The following ZNF223 variants were observed in gnomAD, a reference collection of about 807,000 sequenced individuals.
ZNF223 encodes Homo sapiens zinc finger protein 223.
A neutral mutation model predicts 12.3 loss-of-function variants in ZNF223; 9 were observed. The observed-to-expected ratio is 0.73, with a 90% CI of 0.44 to 1.28. The LOEUF (loss-of-function observed/expected upper bound fraction) is 1.28, where lower values mean the gene tolerates loss of function less well. Among genes scored for constraint, ZNF223 ranks in the 50% most tolerant of loss-of-function variants. ZNF223 has a pLI of 0.00. For missense variants in ZNF223, 506 were observed against 579.0 expected (o/e 0.87, Z 1.29); for synonymous variants, 171 against 195.2 (o/e 0.88, Z 1.03).
chr19:44,058,763 C>T (rs951342742), intron 2 of ZNF223, among the ~76,000 whole-genome samples: 6 of 152,318 alleles, frequency 3.9e-5, no homozygotes, highest in Admixed American at 2.0e-4. Flanking sequence ...CAGTATCTAT[C>T]GGCCATTGCC....
At chr19:44,065,987 A>G (rs1976904157) in intron 4 of ZNF223, 77 bp from the exon 5 acceptor site, 26 of 1,509,938 alleles carry the variant, frequency 1.7e-5, no homozygotes, top group Admixed American at 6.9e-5. Flanking sequence ...GTTTCATACC[A>G]TGTCCTAAGT....
intron 2 of ZNF223, among the ~76,000 whole-genome samples, chr19:44,057,182 T>C (rs1976780680): frequency 6.6e-6 from 1 of 152,186 alleles, no homozygotes; most frequent in Non-Finnish European, 1.5e-5. Flanking sequence ...TATAAACTGC[T>C]CTTGGCTATC....
rs1332967094 is a variant in ZNF223 at position 44,066,225 on chromosome 19, C to T, written c.397C>T (p.Gln133Ter). The T allele has an allele frequency of 6.2e-7, 1 of 1,614,196 alleles. No homozygotes were observed. The highest frequency in any genetic ancestry group is 1.3e-5 in the African/African-American group (1 of 75,060). The change falls in exon 5 of 5, where the codon CAG (glutamine) becomes TAG (stop). Residue 133 changes from glutamine to a stop codon, truncating the protein, a stop_gained. Transcript: ENST00000434772. LOFTEE classifies it low-confidence loss of function (END_TRUNC). ...QFFEQGDAHS[Q>*]VEEGLSIMHT... ...CTTTGAACAGGGTGATGCCCACTCC[C>T]AGGTTGAGGAAGGACTATCTATAAT...
intron 2 of ZNF223, among the ~76,000 whole-genome samples, chr19:44,059,013 G>T (rs1443423836): frequency 6.6e-6 from 1 of 152,098 alleles, no homozygotes; most frequent in Non-Finnish European, 1.5e-5. Flanking sequence ...CTGTATCTGG[G>T]TCACCCTCCA....
At chr19:44,061,006 C>G in intron 4 of ZNF223, 165 bp downstream of exon 4, 1 of 632,446 alleles carries the variant, frequency 1.6e-6, no homozygotes, top group Non-Finnish European at 2.8e-6. Flanking sequence ...ACTCTGACAT[C>G]TGTTCTCCTC....
rs761809711 is a variant in ZNF223 at position 44,067,095 on chromosome 19, T to C, written c.1267T>C (p.Cys423Arg). 9 of 1,613,244 alleles carry C rather than the reference T, an allele frequency of 5.6e-6. No homozygotes were observed. In the South Asian group the frequency reaches 8.8e-5, roughly 16 times the overall value. The stretch of plus-strand genomic sequence containing the variant: ...TATTTTGAATCATAAGAGACTCCAT[T>C]GCCGAAAAAAACCATTCAAATGTGA... Reference protein sequence around the residue: ...SSILNHKRLHCRKKPFKCEDC... With the variant: ...SSILNHKRLHRRKKPFKCEDC... Residue 423 changes from cysteine to arginine, a missense_variant, in exon 5 of 5, where the codon TGC becomes CGC. Transcript: ENST00000434772.
chr19:44,064,147 T>C (rs1976875844), intron 4 of ZNF223, among the ~76,000 whole-genome samples: 1 of 152,196 alleles, frequency 6.6e-6, no homozygotes, highest in African/African-American at 2.4e-5. Context: ...AACGACACCT[T>C]TCCTGCTTGT....
intron 2 of ZNF223, among the ~76,000 whole-genome samples, chr19:44,055,595 C>A (rs111948726): frequency 2.6e-5 from 4 of 151,696 alleles, no homozygotes; most frequent in Admixed American, 1.3e-4. Flanking sequence ...CATGGAGAAA[C>A]CCCATCTCTA....
At chr19:44,063,655 C>T (rs143738435) in intron 4 of ZNF223, 2 of 152,322 alleles carry the variant, frequency 1.3e-5, no homozygotes, top group East Asian at 3.9e-4. Context: ...GTGGCTGGGC[C>T]CCTCTCCAAA....
At chr19:44,057,197 G>A (rs922587898) in intron 2 of ZNF223, among the ~76,000 whole-genome samples, 1 of 152,144 alleles carries the variant, frequency 6.6e-6, no homozygotes, top group Non-Finnish European at 1.5e-5. Flanking sequence ...GCTATCATAA[G>A]GAGAATTAGG....
intron 1 of ZNF223, among the ~76,000 whole-genome samples, chr19:44,053,556 G>A (rs1485905150): frequency 2.0e-5 from 3 of 152,186 alleles, no homozygotes; most frequent in Admixed American, 6.5e-5. Context: ...TAGAATGTAC[G>A]ATTGGGTTTT....
chr19:44,053,256 C>T (rs563108894), intron 1 of ZNF223, among the ~76,000 whole-genome samples: 7 of 152,102 alleles, frequency 4.6e-5, no homozygotes, highest in Non-Finnish European at 8.8e-5. Context: ...GGACCTGTAC[C>T]GGCACTGGTC....
At chr19:44,058,209 G>A (rs572460389) in intron 2 of ZNF223, among the ~76,000 whole-genome samples, 1 of 152,294 alleles carries the variant, frequency 6.6e-6, no homozygotes, top group African/African-American at 2.4e-5. Flanking sequence ...AGAACTACAA[G>A]CAATAAAGGG....
rs1976913778 is a variant in ZNF223 at position 44,066,411 on chromosome 19, CAG to C, written c.588_589del (p.Arg196SerfsTer9). ...FCYISALHIH[Q>X]RVHLGEKLFK... is the part of the protein sequence containing the mutation. ...TTACATCTCAGCGCTTCATATTCAT[CAG>C]AGAGTCCACCTGGGAGAGAAACTCT... On this transcript the variant is annotated frameshift_variant, in exon 5 of 5. Transcript: ENST00000434772. LOFTEE classifies it low-confidence loss of function (END_TRUNC). The C allele has an allele frequency of 1.9e-6, 3 of 1,612,874 alleles. No individual in the cohort carries two copies. The highest frequency in any genetic ancestry group is 1.1e-5 in the South Asian group (1 of 90,978).
chr19:44,056,152 A>AC (rs997994373), intron 2 of ZNF223, among the ~76,000 whole-genome samples: 2 of 151,848 alleles, frequency 1.3e-5, no homozygotes, highest in African/African-American at 2.4e-5. Context: ...TGTTCCAAGT[A>AC]CCCAAGGACA....
Position 44,066,104 on chromosome 19 carries a change from A to C in ZNF223, c.276A>C (p.Ala92=). 1.2e-6 allele frequency: 2 copies of C among 1,606,804 alleles called. No homozygotes were observed. Among genetic ancestry groups the C allele is most frequent in the African/African-American group, 1.3e-5 (1 of 74,484 alleles). ...IQPEMKTFPE[A]GPHEGWSCQQ... The stretch of plus-strand genomic sequence containing the variant: ...CTGAGATGAAGACTTTTCCAGAAGC[A>C]GGACCACATGAAGGGTGGTCCTGCC... The change falls in exon 5 of 5, where the codon GCA becomes GCC. Residue 92 remains alanine, a synonymous_variant. Transcript: ENST00000434772.
upstream of ZNF223, chr19:44,051,670 G>A (rs1327079041): frequency 1.3e-5 from 2 of 152,226 alleles, no homozygotes; most frequent in East Asian, 1.9e-4. Flanking sequence ...TGGGTGTTGC[G>A]GGAAGTGTAA....
intron 4 of ZNF223, among the ~76,000 whole-genome samples, chr19:44,065,162 CAGAG>C (rs1393092141): frequency 3.3e-5 from 5 of 152,174 alleles, no homozygotes; most frequent in African/African-American, 9.6e-5. Context: ...CCCAAGCAAA[CAGAG>C]AGACTCTCCT....
In ZNF223 at chr19:44,065,646, C is replaced by T. The variant is rs569266790; in HGVS notation, c.236-418C>T. On this transcript the variant is annotated intron_variant, in intron 4 of 4. Transcript: ENST00000434772. ...AGGCTGGAGTGCAGTGGCACGATCT[C>T]GGCTTGCTGCAACCTGCGCCTCCTG... 1.5e-4 allele frequency among the ~76,000 whole-genome samples: 22 copies of T among 147,754 alleles called. No individual in the cohort carries two copies. The East Asian group carries it at 1.6e-3, about 11-fold the overall frequency.
Sources: gnomAD v4.1 joint callset for allele counts (sites outside exome capture counted in the v4.1 genomes callset) on GRCh38, gnomAD v4.1.1 for gene constraint, MANE v1.5 for transcripts, NCBI Gene and HGNC (gene_info 2026-07-23, HGNC 2026-07-21) for gene names.